Variants in ANKRD55 observed in about 807,000 individuals in gnomAD.
ANKRD55 encodes ankyrin repeat domain 55.
ANKRD55 carries 41 observed loss-of-function variants against 60.6 expected under a neutral mutation model. The ratio of observed to expected loss-of-function variants is 0.68; its 90% CI spans 0.53 to 0.88. The LOEUF is 0.88. Ranked by LOEUF, ANKRD55 falls within the 40% of genes least tolerant of loss-of-function variation. The pLI, the probability that ANKRD55 is intolerant of heterozygous loss-of-function variation, is 0.00. For missense variants in ANKRD55, 732 were observed against 767.6 expected (o/e 0.95, Z 0.55); for synonymous variants, 264 against 290.3 (o/e 0.91, Z 0.92).
chr5:56,141,087 A>ATG (rs989434654), intron 7 of ANKRD55, among the ~76,000 whole-genome samples: 5 of 148,970 alleles, frequency 3.4e-5, no homozygotes, highest in African/African-American at 1.2e-4. Context: ...ATCTATATAT[A>ATG]TATGTGTGTG....
chr5:56,210,640 A>G (rs1759650205), intron 2 of ANKRD55, among the ~76,000 whole-genome samples: 1 of 151,798 alleles, frequency 6.6e-6, no homozygotes, highest in Non-Finnish European at 1.5e-5. Context: ...ATAATGCTAC[A>G]GTTACCTTTC....
chr5:56,190,720 G>A (rs1012490241), intron 2 of ANKRD55, among the ~76,000 whole-genome samples: 1 of 152,148 alleles, frequency 6.6e-6, no homozygotes, highest in African/African-American at 2.4e-5. Context: ...TGATCTCATG[G>A]CAGAAGGGTG....
chr5:56,128,950 C>G (rs1757343204), intron 7 of ANKRD55, among the ~76,000 whole-genome samples: 1 of 152,214 alleles, frequency 6.6e-6, no homozygotes, highest in Admixed American at 6.5e-5. Context: ...AGACCTACAT[C>G]AGTACCAGTG....
At chr5:56,231,604 A>G (rs567829914) in intron 2 of ANKRD55, among the ~76,000 whole-genome samples, 1 of 151,868 alleles carries the variant, frequency 6.6e-6, no homozygotes, top group South Asian at 2.1e-4. Flanking sequence ...GCCTTTCTCT[A>G]TGCTGTTCAG....
rs535036621 is a variant in ANKRD55 at position 56,137,549 on chromosome 5, A to G, written c.612+6252T>C. ...GAGAGTAAATTCAGCATTAAAATAAATGCAATTAAAAGTAAAAGAAAAAAA... is the reference window on the plus strand; with the variant it reads ...GAGAGTAAATTCAGCATTAAAATAAGTGCAATTAAAAGTAAAAGAAAAAAA... On this transcript the variant is annotated intron_variant, in intron 7 of 11. Transcript: ENST00000341048. 51 of 727,602 alleles carry G rather than the reference A, an allele frequency of 7.0e-5. No individual in the cohort carries two copies. The African/African-American group carries it at 8.7e-4, about 12-fold the overall frequency. The allele number at this position is 727,602 out of a possible 1,614,324, so 45.1% of individuals were successfully genotyped here. A position where few individuals can be genotyped will look rare whatever the true frequency, so the allele number is the denominator to read the frequency against.
chr5:56,153,409 G>C (rs1399814824), intron 6 of ANKRD55, among the ~76,000 whole-genome samples: 2 of 152,140 alleles, frequency 1.3e-5, no homozygotes, highest in Non-Finnish European at 2.9e-5. Context: ...ATGCAAAGAG[G>C]CTTGTACAAG....
Position 56,199,584 on chromosome 5 carries a change from TA to T in ANKRD55, c.59-15951del, listed in dbSNP as rs199547715. Among the ~76,000 whole-genome samples, 591 of 140,010 alleles carry T rather than the reference TA, an allele frequency of 4.2e-3. 4 individuals are homozygous for T. Among genetic ancestry groups the T allele is most frequent in the African/African-American group, 9.6e-3 (370 of 38,534 alleles). 91.9% of individuals were successfully genotyped at this position (140,010 alleles called of 152,430 possible). A position where few individuals can be genotyped will look rare whatever the true frequency, so the allele number is the denominator to read the frequency against. ...TAAGATAAATTACCATGTTCAAAGTTAAAAAAAAAAAAAAACTTGGGTGTGG... is the reference window on the plus strand; with the variant it reads ...TAAGATAAATTACCATGTTCAAAGTTAAAAAAAAAAAAAACTTGGGTGTGG... On this transcript the variant is annotated intron_variant, in intron 2 of 11. Transcript: ENST00000341048.
chr5:56,126,233 A>C (rs1180841660), intron 8 of ANKRD55, among the ~76,000 whole-genome samples: 2 of 152,196 alleles, frequency 1.3e-5, no homozygotes, highest in African/African-American at 4.8e-5. Context: ...CAGAGTGCTC[A>C]AGTCTATACT....
rs1196554402 is a variant in ANKRD55 at position 56,111,751 on chromosome 5, T to G, written c.997A>C (p.Ser333Arg). Reference protein sequence around the residue: ...TEPTRPPPSQSSRPQKKERRF... With the variant: ...TEPTRPPPSQRSRPQKKERRF... ...CTCTCCTTCTTCTGGGGCCGACTGCTCTGGGAGGGAGGGGGTCGAGTAGGC... is the reference window on the plus strand; with the variant it reads ...CTCTCCTTCTTCTGGGGCCGACTGCGCTGGGAGGGAGGGGGTCGAGTAGGC... Residue 333 changes from serine (S) to arginine (R), a missense_variant, in exon 10 of 12, where the codon AGC becomes CGC. Physicochemically the swap from Ser to Arg is moderately radical, Grantham distance 110 (BLOSUM62 -1). Transcript: ENST00000341048. The G allele has an allele frequency of 1.3e-6, 2 of 1,513,852 alleles. No individual in the cohort carries two copies. The highest frequency in any genetic ancestry group is 2.8e-5 in the African/African-American group (2 of 71,594). 93.8% of individuals were successfully genotyped at this position (1,513,852 alleles called of 1,614,324 possible).
At chr5:56,227,484 T>C (rs2111898990) in intron 2 of ANKRD55, among the ~76,000 whole-genome samples, 1 of 152,074 alleles carries the variant, frequency 6.6e-6, no homozygotes, top group South Asian at 2.1e-4. Context: ...ACTTAAAGTA[T>C]AAAAGAAAAC....
chr5:56,187,280 C>A (rs1442110681), intron 2 of ANKRD55, among the ~76,000 whole-genome samples: 1 of 152,188 alleles, frequency 6.6e-6, no homozygotes. Flanking sequence ...CACACCCGAC[C>A]AATCAGGTAG....
intron 10 of ANKRD55, among the ~76,000 whole-genome samples, chr5:56,109,569 G>A (rs1756607959): frequency 1.3e-5 from 2 of 150,120 alleles, no homozygotes; most frequent in South Asian, 4.2e-4. Flanking sequence ...TGGGGATCCT[G>A]CTACATTGAC....
intron 2 of ANKRD55, among the ~76,000 whole-genome samples, chr5:56,209,466 C>G (rs76189769): frequency 7.6e-6 from 1 of 132,338 alleles, no homozygotes; most frequent in Non-Finnish European, 1.6e-5. Context: ...ACATGTATAT[C>G]TTTTTTTTTT....
rs569158798 is a variant in ANKRD55, at chr5:56,116,993, A to T, written c.798-211T>A. ...CCTCTAGCTCTAAGTATTCCCTGCC[A>T]TCTACACTCTCTGGCCTTTCTAACA... On this transcript the variant is annotated intron_variant, in intron 8 of 11. Coordinates refer to ENST00000341048, the MANE Select transcript of ANKRD55 (RefSeq NM_024669.3). 8.6e-6 allele frequency: 4 copies of T among 464,120 alleles called. No individual in the cohort carries two copies. In the Admixed American group the frequency reaches 1.7e-4, roughly 20 times the overall value. 28.8% of individuals were successfully genotyped at this position (464,120 alleles called of 1,614,324 possible).
intron 3 of ANKRD55, among the ~76,000 whole-genome samples, chr5:56,176,739 A>T (rs1758746096): frequency 6.6e-6 from 1 of 152,198 alleles, no homozygotes; most frequent in South Asian, 2.1e-4. Context: ...TCTTGCTGAA[A>T]AAGTGGCCAC....
At chr5:56,189,155 T>C (rs575420286) in intron 2 of ANKRD55, among the ~76,000 whole-genome samples, 8 of 152,154 alleles carry the variant, frequency 5.3e-5, no homozygotes, top group African/African-American at 1.9e-4. Flanking sequence ...GGGGTCATGA[T>C]AGTAGCCTTC....
chr5:56,144,241 T>C (rs923666939), intron 6 of ANKRD55, among the ~76,000 whole-genome samples: 2 of 152,192 alleles, frequency 1.3e-5, no homozygotes, highest in East Asian at 1.9e-4. Context: ...ATCTTCCAGA[T>C]TGATAAATAC....
chr5:56,201,312 C>G (rs983554053), intron 2 of ANKRD55, among the ~76,000 whole-genome samples: 6 of 152,190 alleles, frequency 3.9e-5, no homozygotes, highest in Non-Finnish European at 8.8e-5. Context: ...TTGCCACCCA[C>G]TGGTAATAAA....
chr5:56,220,276 C>A (rs1287247989), intron 2 of ANKRD55, among the ~76,000 whole-genome samples: 1 of 152,158 alleles, frequency 6.6e-6, no homozygotes, highest in Non-Finnish European at 1.5e-5. Context: ...CAGCCAGGGG[C>A]TTCCTTCTGT....
Sources: gnomAD v4.1 joint callset for allele counts (sites outside exome capture counted in the v4.1 genomes callset) on GRCh38, gnomAD v4.1.1 for gene constraint, MANE v1.5 for transcripts, NCBI Gene and HGNC (gene_info 2026-07-23, HGNC 2026-07-21) for gene names.